RFX3: variants seen among roughly 807,000 people sequenced by gnomAD.
RFX3 encodes regulatory factor X3.
In RFX3, 14 loss-of-function variants were observed where a neutral mutation model predicts 98.6. The ratio of observed to expected loss-of-function variants is 0.14; its 90% CI spans 0.09 to 0.22. The LOEUF is 0.22. Among genes scored for constraint, RFX3 ranks in the 10% least tolerant of loss-of-function variants. The probability of loss-of-function intolerance (pLI) is 1.00; values close to 1 mark genes in which losing one functional copy is unlikely to be tolerated. For missense variants in RFX3, 639 were observed against 926.9 expected (o/e 0.69, Z 4.03); for synonymous variants, 383 against 328.4 (o/e 1.17, Z -1.80).
intron 5 of RFX3, 32 bp downstream of exon 5, chr9:3,301,514 A>G (rs1309761624): frequency 2.8e-6 from 4 of 1,444,962 alleles, no homozygotes; most frequent in Non-Finnish European, 1.9e-6. Flanking sequence ...AACAAGCAAG[A>G]GATTAGTGTA....
At chr9:3,312,366 C>A (rs1830059953) in intron 4 of RFX3, among the ~76,000 whole-genome samples, 1 of 152,106 alleles carries the variant, frequency 6.6e-6, no homozygotes, top group Non-Finnish European at 1.5e-5. Flanking sequence ...TCAATGGAAA[C>A]CTTCTTCGAA....
chr9:3,270,867 C>T, intron 10 of RFX3, 136 bp downstream of exon 10: 1 of 1,278,218 alleles, frequency 7.8e-7, no homozygotes, highest in Non-Finnish European at 1.1e-6. Flanking sequence ...TGGTTTATTT[C>T]TAGGATGGCC....
At chr9:3,308,386 G>A (rs7023553) in intron 4 of RFX3, among the ~76,000 whole-genome samples, 5,153 of 152,214 alleles carry the variant, frequency 0.034, 288 homozygotes, top group African/African-American at 0.12. Flanking sequence ...ATGAAGAGGG[G>A]GATTCAGCAC....
intron 2 of RFX3, among the ~76,000 whole-genome samples, chr9:3,366,317 T>C (rs1563992533): frequency 6.6e-6 from 1 of 152,292 alleles, no homozygotes; most frequent in South Asian, 2.1e-4. Context: ...TACTTCTTGT[T>C]TGTTTTTTTG....
At chr9:3,402,072 T>G (rs1841529595) in intron 1 of RFX3, among the ~76,000 whole-genome samples, 1 of 152,212 alleles carries the variant, frequency 6.6e-6, no homozygotes, top group African/African-American at 2.4e-5. Context: ...GTTGGATTCC[T>G]TTTATCACTC....
At chr9:3,408,635 CG>C (rs1198268953) in intron 1 of RFX3, among the ~76,000 whole-genome samples, 1 of 151,722 alleles carries the variant, frequency 6.6e-6, no homozygotes, top group Non-Finnish European at 1.5e-5. Context: ...CACACACACA[CG>C]CACGCACACA....
chr9:3,305,117 T>C (rs1392868367), intron 4 of RFX3, among the ~76,000 whole-genome samples: 1 of 151,982 alleles, frequency 6.6e-6, no homozygotes, highest in Non-Finnish European at 1.5e-5. Flanking sequence ...ATCGACTTAA[T>C]AGAGCCAGGA....
At chr9:3,397,630 G>A (rs901157282) in intron 1 of RFX3, among the ~76,000 whole-genome samples, 7 of 152,130 alleles carry the variant, frequency 4.6e-5, no homozygotes, top group Admixed American at 1.3e-4. Context: ...ACTTGGGACT[G>A]GGCTTTTTCA....
At chr9:3,270,345 T>TC in intron 11 of RFX3, 26 bp downstream of exon 11, 1 of 1,596,148 alleles carries the variant, frequency 6.3e-7, no homozygotes, top group Non-Finnish European at 8.5e-7. Context: ...AACAAAAGCA[T>TC]CCGTACTCGT....
chr9:3,339,787 T>G (rs904987198), intron 3 of RFX3, among the ~76,000 whole-genome samples: 1 of 152,272 alleles, frequency 6.6e-6, no homozygotes, highest in South Asian at 2.1e-4. Flanking sequence ...TCCATGCTCA[T>G]GGGTAGGAAG....
chr9:3,464,331 T>G (rs1438688659), intron 1 of RFX3, among the ~76,000 whole-genome samples: 1 of 152,210 alleles, frequency 6.6e-6, no homozygotes, highest in Non-Finnish European at 1.5e-5. Context: ...TTATATTGCA[T>G]AACACTGTGT....
intron 7 of RFX3, among the ~76,000 whole-genome samples, chr9:3,278,080 A>G (rs1444324965): frequency 6.6e-6 from 1 of 152,006 alleles, no homozygotes; most frequent in Non-Finnish European, 1.5e-5. Flanking sequence ...AAATTAAAAT[A>G]AAGAATCAAA....
intron 7 of RFX3, among the ~76,000 whole-genome samples, chr9:3,280,400 T>C (rs904731235): frequency 2.0e-5 from 3 of 151,790 alleles, no homozygotes; most frequent in African/African-American, 7.2e-5. Context: ...ATATCGACAA[T>C]GTATTGTCTG....
In RFX3 at chr9:3,290,847, C is replaced by G. The variant is rs371759191; in HGVS notation, c.731+2230G>C. Among the ~76,000 whole-genome samples, 11 of 152,166 alleles carry G rather than the reference C, an allele frequency of 7.2e-5. No homozygotes were observed. The East Asian group carries it at 2.1e-3, about 29-fold the overall frequency. On this transcript the variant is annotated intron_variant, in intron 6 of 16. Transcript: ENST00000617270. ...GTGAAGGGGTTTAGGACATGCTATC[C>G]CAAACTATGGCACCTTGGCATTTGA...
intron 3 of RFX3, among the ~76,000 whole-genome samples, chr9:3,339,043 C>G (rs563265717): frequency 6.6e-6 from 1 of 151,882 alleles, no homozygotes; most frequent in South Asian, 2.1e-4. Context: ...GAGCCGAGAT[C>G]GCACCACTGC....
At chr9:3,307,825 T>G (rs1829507709) in intron 4 of RFX3, among the ~76,000 whole-genome samples, 1 of 152,214 alleles carries the variant, frequency 6.6e-6, no homozygotes. Flanking sequence ...ACAACCTAAG[T>G]TAGACTAATG....
At chr9:3,288,035 G>T (rs756273952) in intron 7 of RFX3, 96 bp downstream of exon 7, 196 of 1,143,108 alleles carry the variant, frequency 1.7e-4, no homozygotes, top group Non-Finnish European at 2.3e-4. Context: ...CAATAAGAAC[G>T]TTCTTTTATA....
intron 2 of RFX3, among the ~76,000 whole-genome samples, chr9:3,359,842 G>C (rs1836203006): frequency 6.6e-6 from 1 of 152,006 alleles, no homozygotes; most frequent in Non-Finnish European, 1.5e-5. Flanking sequence ...TTAAAGTAAA[G>C]TTGCATGCTA....
chr9:3,487,508 C>A (rs1413808938), intron 1 of RFX3, among the ~76,000 whole-genome samples: 4 of 152,012 alleles, frequency 2.6e-5, no homozygotes, highest in Admixed American at 2.6e-4. Flanking sequence ...AAGTAAACTG[C>A]CAAGAGTGTA....
Sources: allele counts gnomAD v4.1 joint callset (sites outside exome capture counted in the v4.1 genomes callset), GRCh38; gene constraint gnomAD v4.1.1; transcripts MANE v1.5; gene names NCBI Gene and HGNC (gene_info 2026-07-23, HGNC 2026-07-21).